PAX1: variants seen among roughly 807,000 people sequenced by gnomAD.
PAX1 encodes paired box 1.
PAX1 carries 18 observed loss-of-function variants against 35.6 expected under a neutral mutation model. The observed-to-expected ratio is 0.50, with a 90% CI of 0.35 to 0.75. The LOEUF is 0.75. PAX1 is among the 30% of genes least tolerant of loss of function. The pLI, the probability that PAX1 is intolerant of heterozygous loss-of-function variation, is 0.01. For synonymous variants in PAX1, 397 were observed against 305.2 expected (o/e 1.30, Z -3.14); for missense variants, 760 against 661.5 (o/e 1.15, Z -1.63).
In PAX1 at chr20:21,714,696, C is replaced by CG. The variant is rs754813839; in HGVS notation, c.*138dup. ...GGAGGAGGAAGCCAGTGCCGGCCCG[C>CG]GGGGTGCACGCCCAGCCAGCCCCCA... is the stretch of plus-strand genomic sequence containing the variant. On this transcript the variant is annotated 3_prime_UTR_variant, in exon 5 of 5. Transcript: ENST00000613128. 1 of 1,605,842 alleles carries CG rather than the reference C, an allele frequency of 6.2e-7. No individual in the cohort carries two copies. Among genetic ancestry groups the CG allele is most frequent in the Non-Finnish European group, 8.5e-7 (1 of 1,179,420 alleles).
In PAX1 at chr20:21,709,367, C is replaced by T. The variant is rs1985123695; in HGVS notation, c.1205C>T (p.Ala402Val). ...PWPPAQGPPL[A>V]PPGAGVAVHG... ...CCGCCTGCGCAAGGTCCTCCTCTGGCGCCCCCCGGGGCCGGCGTAGCTGTG... is the reference window on the plus strand; with the variant it reads ...CCGCCTGCGCAAGGTCCTCCTCTGGTGCCCCCCGGGGCCGGCGTAGCTGTG... Residue 402 changes from alanine (A) to valine (V), a missense_variant, in exon 4 of 5, where the codon GCG becomes GTG. Transcript: ENST00000613128. 2 of 1,579,346 alleles carry T rather than the reference C, an allele frequency of 1.3e-6. No individual in the cohort carries two copies.
intron 2 of PAX1, 117 bp from the exon 3 acceptor site, chr20:21,708,441 C>T (rs1985084998): frequency 5.1e-6 from 6 of 1,175,186 alleles, no homozygotes; most frequent in South Asian, 4.9e-5. Flanking sequence ...TGTCAGGCCA[C>T]CTACAAATTT....
chr20:21,710,252 C>A (rs969500143), intron 4 of PAX1, among the ~76,000 whole-genome samples: 3 of 152,176 alleles, frequency 2.0e-5, no homozygotes, highest in Non-Finnish European at 4.4e-5. Context: ...GGGGGATCTT[C>A]TCACACAACC....
Position 21,709,458 on chromosome 20 carries a change from G to A in PAX1, c.1282+14G>A, listed in dbSNP as rs746008161. On this transcript the variant is annotated intron_variant, in intron 4 of 4. Transcript: ENST00000613128. ...CCAGCCGAGAAGGTGAGGAGCGCAG[G>A]GAGTGGGGCGGGTGGATGCTGGAAG... The A allele has an allele frequency of 1.6e-5, 24 of 1,503,558 alleles. No homozygotes were observed. The highest frequency in any genetic ancestry group is 2.1e-5 in the Non-Finnish European group (24 of 1,129,174). The allele number at this position is 1,503,558 out of a possible 1,614,324, so 93.1% of individuals were successfully genotyped here.
At chr20:21,713,404 G>A (rs1985263105) in intron 4 of PAX1, among the ~76,000 whole-genome samples, 1 of 151,562 alleles carries the variant, frequency 6.6e-6, no homozygotes, top group Non-Finnish European at 1.5e-5. Context: ...GTGTGTGTGT[G>A]TGTGTGTCTT....
chr20:21,709,142 G>A, intron 3 of PAX1, 80 bp from the exon 4 acceptor site: 1 of 1,114,490 alleles, frequency 9.0e-7, no homozygotes, highest in Non-Finnish European at 1.4e-6. Context: ...GATAATGGAC[G>A]AAAACCCCCG....
Position 21,706,552 on chromosome 20 carries a change from G to A in PAX1, c.401G>A (p.Cys134Tyr), listed in dbSNP as rs1433263312. 3 of 1,612,246 alleles carry A rather than the reference G, an allele frequency of 1.9e-6. No homozygotes were observed. The highest frequency in any genetic ancestry group is 2.5e-6 in the Non-Finnish European group (3 of 1,180,018). The change falls in exon 2 of 5, where the codon TGT (cysteine) becomes TAT (tyrosine). Residue 134 changes from cysteine (C) to tyrosine (Y), a missense_variant. Around this residue, in one of 3 missense-constraint regions of PAX1, gnomAD observed 48 missense variants for 80.0 expected, o/e 0.60. Transcript: ENST00000613128. This position sits in a 1 kb window ranked among gnomAD's most constrained non-coding sequence, Gnocchi z 5.3. ...CTGGCGCAGCTGGGCATCCGACCCT[G>A]TGACATCAGTCGGCAGCTCCGCGTA... ...VELAQLGIRPCDISRQLRVSH... is the reference protein window; with the variant it reads ...VELAQLGIRPYDISRQLRVSH...
chr20:21,708,317 C>T (rs1469626358), intron 2 of PAX1: 5 of 626,196 alleles, frequency 8.0e-6, no homozygotes, highest in Middle Eastern at 4.3e-4. Context: ...CAGCAGCCTC[C>T]CGTTCGTGGG....
Position 21,706,804 on chromosome 20 carries a change from G to C in PAX1, c.653G>C (p.Ser218Thr). ...KYNVPSVSSI[S>T]RILRNKIGSL... ...AATGTGCCTTCGGTGAGCTCCATCA[G>C]CCGCATCCTGCGCAACAAGATCGGC... Residue 218 changes from serine (S) to threonine (T), a missense_variant, in exon 2 of 5, where the codon AGC (serine) becomes ACC (threonine). Ser to Thr is a moderately conservative substitution (Grantham distance 58). Around this residue, in one of 3 missense-constraint regions of PAX1, gnomAD observed 490 missense variants for 428.4 expected, o/e 1.14. Coordinates refer to ENST00000613128, the MANE Select transcript of PAX1 (RefSeq NM_001257096.2). The surrounding 1 kb of genome is among the most constrained non-coding windows in gnomAD (Gnocchi z 5.3). 6.2e-7 allele frequency: 1 copy of C among 1,613,570 alleles called. No homozygotes were observed. The highest frequency in any genetic ancestry group is 8.5e-7 in the Non-Finnish European group (1 of 1,180,034).
At chr20:21,708,280 G>A in intron 2 of PAX1, 1 of 568,874 alleles carries the variant, frequency 1.8e-6, no homozygotes, top group Non-Finnish European at 3.2e-6. Flanking sequence ...GGCCGCTTTG[G>A]CCGAGTCTGC....
chr20:21,711,024 C>T (rs565120614), intron 4 of PAX1, among the ~76,000 whole-genome samples: 54 of 152,172 alleles, frequency 3.5e-4, no homozygotes, highest in Non-Finnish European at 6.8e-4. Context: ...CGCAGATGAG[C>T]GCTTCACTCA....
Position 21,705,797 on chromosome 20 carries a change from G to C in PAX1, c.85G>C (p.Gly29Arg). The C allele has an allele frequency of 7.8e-7, 1 of 1,279,542 alleles. No individual in the cohort carries two copies. The highest frequency in any genetic ancestry group is 9.8e-7 in the Non-Finnish European group (1 of 1,015,936). The allele number at this position is 1,279,542 out of a possible 1,614,324, so 79.3% of individuals were successfully genotyped here. The stretch of plus-strand genomic sequence containing the variant: ...AGCGGCGGCGGCAGGCCCTGGAGCG[G>C]GCGGCAGCGCGCTCCGCTGCCGCGC... ...AAAAAAGPGA[G>R]GSALRCRAQR... The change falls in exon 1 of 5, where the codon GGC (glycine) becomes CGC (arginine). Residue 29 changes from glycine to arginine, a missense_variant. Around this residue, in one of 3 missense-constraint regions of PAX1, gnomAD observed 222 missense variants for 153.0 expected, o/e 1.45. Coordinates refer to ENST00000613128, the MANE Select transcript of PAX1 (RefSeq NM_001257096.2).
intron 4 of PAX1, among the ~76,000 whole-genome samples, chr20:21,713,382 T>TTTTTTTTTTTTTTGTGTGTGTGTGTGTG (rs1324636431): frequency 6.8e-6 from 1 of 146,270 alleles, no homozygotes; most frequent in African/African-American, 2.5e-5. Context: ...TCTTTTTTTT[T>TTTTTTTTTTTTTTGTGTGTGTGTGTGTG]TGTGTGTGTG....
At position 21,714,588 on chromosome 20, in the gene PAX1, C is replaced by A; in HGVS notation, c.*26C>A. On this transcript the variant is annotated 3_prime_UTR_variant, in exon 5 of 5. Coordinates refer to ENST00000613128, the MANE Select transcript of PAX1 (RefSeq NM_001257096.2). The stretch of plus-strand genomic sequence containing the variant: ...GGGCAGCTCTCCCCGGACCCGAGCC[C>A]GGAGGGAACGGCAGGCGGACCCGGG... 6.3e-7 allele frequency: 1 copy of A among 1,575,770 alleles called. No homozygotes were observed. The highest frequency in any genetic ancestry group is 1.1e-5 in the South Asian group (1 of 87,142).
intron 4 of PAX1, among the ~76,000 whole-genome samples, chr20:21,713,973 C>T (rs1002110753): frequency 6.6e-6 from 1 of 152,266 alleles, no homozygotes; most frequent in Non-Finnish European, 1.5e-5. Flanking sequence ...TTCCCCCTGC[C>T]CACAGCGAGC....
rs1479895428 is a variant in PAX1 at position 21,708,459 on chromosome 20, C to T, written c.917-99C>T. 9 of 1,416,486 alleles carry T rather than the reference C, an allele frequency of 6.4e-6. No individual in the cohort carries two copies. The East Asian group carries it at 6.8e-5, about 11-fold the overall frequency. 87.7% of individuals were successfully genotyped at this position (1,416,486 alleles called of 1,614,324 possible). A position where few individuals can be genotyped will look rare whatever the true frequency, so the allele number is the denominator to read the frequency against. ...CAGGCCACCTACAAATTTTGTGGGA[C>T]CCCTGGCCGTGTCTTCAGATACAAA... On this transcript the variant is annotated intron_variant, in intron 2 of 4. Transcript: ENST00000613128.
chr20:21,710,339 G>A (rs932804506), intron 4 of PAX1, among the ~76,000 whole-genome samples: 25 of 152,252 alleles, frequency 1.6e-4, no homozygotes, highest in African/African-American at 4.8e-4. Flanking sequence ...GTTGTTAAAA[G>A]GAATGGCTTG....
chr20:21,706,263 C>A lies in PAX1; in HGVS notation c.287-175C>A, dbSNP rs1414485054. On this transcript the variant is annotated intron_variant, in intron 1 of 4. Transcript: ENST00000613128. This position sits in a 1 kb window ranked among gnomAD's most constrained non-coding sequence, Gnocchi z 5.3. ...ACTCCGCGGCTCCTCTGCGCCCTTG[C>A]CCACTCCAAGCCAGACCCAGGCGGT... 2.2e-6 allele frequency: 2 copies of A among 911,120 alleles called. No homozygotes were observed. Among genetic ancestry groups the A allele is most frequent in the Non-Finnish European group, 3.5e-6 (2 of 572,940 alleles). 56.4% of individuals were successfully genotyped at this position (911,120 alleles called of 1,614,324 possible).
chr20:21,709,372 C>G lies in PAX1; in HGVS notation c.1210C>G (p.Pro404Ala), dbSNP rs775417793. ...PPAQGPPLAP[P>A]GAGVAVHGGE... ...TGCGCAAGGTCCTCCTCTGGCGCCC[C>G]CCGGGGCCGGCGTAGCTGTGCATGG... Residue 404 changes from proline (P) to alanine (A), a missense_variant, in exon 4 of 5, where the codon CCC (proline) becomes GCC (alanine). By Grantham distance (27) the Pro-to-Ala change is conservative. Around this residue, in one of 3 missense-constraint regions of PAX1, gnomAD observed 490 missense variants for 428.4 expected, o/e 1.14. Transcript: ENST00000613128. 241 of 1,569,936 alleles carry G rather than the reference C, an allele frequency of 1.5e-4. 2 individuals carry two copies. The highest frequency in any genetic ancestry group is 1.1e-3 in the South Asian group (100 of 87,632).
Sources: gnomAD v4.1 joint callset for allele counts (sites outside exome capture counted in the v4.1 genomes callset) on GRCh38, gnomAD v4.1.1 for gene constraint, gnomAD v4.1.1 regional missense constraint, Gnocchi (gnomAD v3.1) non-coding constraint, MANE v1.5 for transcripts, NCBI Gene and HGNC (gene_info 2026-07-23, HGNC 2026-07-21) for gene names.